Variants in KIF27 observed in about 807,000 individuals in gnomAD.
KIF27 encodes kinesin-like protein KIF27.
Under a neutral mutation model 141.8 loss-of-function variants are expected in KIF27, and 84 were observed. The observed-to-expected ratio is 0.59, with a 90% CI of 0.50 to 0.71. The LOEUF (loss-of-function observed/expected upper bound fraction) is 0.71. KIF27 is among the 30% of genes least tolerant of loss of function. KIF27 has a pLI of 0.00. For missense variants in KIF27, 1,306 were observed against 1,628.4 expected, an observed-to-expected ratio of 0.80 and a Z score of 3.41; for synonymous variants, 471 against 569.5, an observed-to-expected ratio of 0.83 and a Z score of 2.46.
Position 83,848,146 on chromosome 9 carries a change from CTGATATATCATATA to C in KIF27, c.3556+1939_3556+1952del, listed in dbSNP as rs1382848877. Among the ~76,000 whole-genome samples the C allele has an allele frequency of 2.6e-3, 118 of 44,738 alleles. 28 individuals carry two copies. Among genetic ancestry groups the C allele is most frequent in the East Asian group, 0.023 (52 of 2,276 alleles). 29.3% of individuals were successfully genotyped at this position (44,738 alleles called of 152,430 possible). On this transcript the variant is annotated intron_variant, in intron 16 of 17. Coordinates refer to ENST00000297814, the MANE Select transcript of KIF27 (RefSeq NM_017576.4). ...ATCTGATATCTCATATATGATATAT[CTGATATATCATATA>C]TGATATATCTGATATATCATATATG...
chr9:83,899,822 C>A lies in KIF27; in HGVS notation c.1459-18G>T, dbSNP rs1382769889. On this transcript the variant is annotated intron_variant, in intron 4 of 17. Coordinates refer to ENST00000297814, the MANE Select transcript of KIF27 (RefSeq NM_017576.4). Reference sequence around the variant, plus strand: ...AGCACACACTAGTGGGGAAAGAAAGCACAAGTGACATTCACCACAGAAAAT... The same window carrying A: ...AGCACACACTAGTGGGGAAAGAAAGAACAAGTGACATTCACCACAGAAAAT... 1.9e-6 allele frequency: 3 copies of A among 1,588,248 alleles called. No homozygotes were observed. The highest frequency in any genetic ancestry group is 2.6e-6 in the Non-Finnish European group (3 of 1,164,950).
At position 83,906,235 on chromosome 9, in the gene KIF27, T is replaced by C. The variant is rs190737802; in HGVS notation, c.499+2217A>G. On this transcript the variant is annotated intron_variant, in intron 3 of 17. Transcript: ENST00000297814. ...CCATAAGCTACCATATATAGTTTCTTCTTAAAAAACAAAAACAAATACAAT... is the reference window on the plus strand; with the variant it reads ...CCATAAGCTACCATATATAGTTTCTCCTTAAAAAACAAAAACAAATACAAT... 2.6e-4 allele frequency among the ~76,000 whole-genome samples: 39 copies of C among 152,288 alleles called. No individual in the cohort carries two copies. In the East Asian group the frequency reaches 6.9e-3, roughly 27 times the overall value.
intron 10 of KIF27, among the ~76,000 whole-genome samples, chr9:83,883,173 G>T (rs895849869): frequency 2.4e-4 from 36 of 152,108 alleles, no homozygotes; most frequent in African/African-American, 8.4e-4. Flanking sequence ...GAAAGCAGTA[G>T]ACCATGAGAG....
chr9:83,850,249 C>T lies in KIF27; in HGVS notation c.3406G>A (p.Glu1136Lys), dbSNP rs1243092484. 6.2e-6 allele frequency: 10 copies of T among 1,613,766 alleles called. No individual in the cohort carries two copies. The highest frequency in any genetic ancestry group is 5.1e-6 in the Non-Finnish European group (6 of 1,179,804). ...CGTTCCAGAACTTTCATTTTCATTT[C>T]TTCATTATATAACTGTTGTTTCCGT... ...AERKQQLYNEEMKMKVLERDN... is the reference protein window; with the variant it reads ...AERKQQLYNEKMKMKVLERDN... The change falls in exon 16 of 18, where the codon GAA becomes AAA. Residue 1136 changes from glutamate (E) to lysine (K), a missense_variant. This residue lies in a region of KIF27 where 596 missense variants were observed against 751.6 expected (regional missense o/e 0.79). Transcript: ENST00000297814.
rs755585990 is a variant in KIF27, at chr9:83,859,182, T to C, written c.3124A>G (p.Lys1042Glu). The C allele has an allele frequency of 6.2e-7, 1 of 1,613,642 alleles. No individual in the cohort carries two copies. Among genetic ancestry groups the C allele is most frequent in the Non-Finnish European group, 8.5e-7 (1 of 1,179,514 alleles). Residue 1042 changes from lysine (K) to glutamate (E), a missense_variant, in exon 14 of 18, where the codon AAA becomes GAA. By Grantham distance (56) the Lys-to-Glu change is moderately conservative. Transcript: ENST00000297814. ...TCAGGTGATAACACTCTACCATTTT[T>C]AAGTTTTTCATCCACATTGTGTCTG... The part of the protein sequence containing the change: ...KRRHNVDEKL[K>E]NGRVLSPEEE...
intron 17 of KIF27, among the ~76,000 whole-genome samples, chr9:83,839,674 C>T (rs116939161): frequency 0.12 from 17,783 of 152,126 alleles, 1,365 homozygotes; most frequent in East Asian, 0.19. Flanking sequence ...ACTGAACCAC[C>T]GGGCACGGTG....
intron 15 of KIF27, among the ~76,000 whole-genome samples, chr9:83,851,569 T>C (rs1948592741): frequency 6.6e-6 from 1 of 152,184 alleles, no homozygotes; most frequent in African/African-American, 2.4e-5. Flanking sequence ...TTGCCCAAGC[T>C]GGTCTTGAAT....
At chr9:83,886,396 T>C (rs189268620) in intron 9 of KIF27, among the ~76,000 whole-genome samples, 2 of 152,108 alleles carry the variant, frequency 1.3e-5, no homozygotes, top group Non-Finnish European at 2.9e-5. Flanking sequence ...GGAGCTTTCC[T>C]AAAAATCCTC....
intron 13 of KIF27, among the ~76,000 whole-genome samples, chr9:83,861,330 T>G (rs1411745586): frequency 1.4e-5 from 2 of 139,800 alleles, no homozygotes; most frequent in Non-Finnish European, 1.6e-5. Flanking sequence ...CCCTCCCCCC[T>G]TCCCCCACCC....
intron 17 of KIF27, among the ~76,000 whole-genome samples, chr9:83,840,506 C>T (rs1407329706): frequency 6.6e-6 from 1 of 151,932 alleles, no homozygotes; most frequent in African/African-American, 2.4e-5. Context: ...CTGTATACCA[C>T]CATACTACAT....
intron 5 of KIF27, chr9:83,899,015 GAAAAC>G (rs1953568129): frequency 6.6e-6 from 1 of 151,926 alleles, no homozygotes. Context: ...GGTTAAAAAA[GAAAAC>G]AAAAATCAAA....
intron 2 of KIF27, among the ~76,000 whole-genome samples, chr9:83,913,302 C>A (rs1198980584): frequency 1.3e-5 from 2 of 152,194 alleles, no homozygotes; most frequent in African/African-American, 4.8e-5. Context: ...ACTGCAGATG[C>A]TCAATAAATA....
intron 4 of KIF27, 134 bp downstream of exon 4, chr9:83,902,926 C>T: frequency 3.8e-6 from 2 of 533,044 alleles, no homozygotes; most frequent in Non-Finnish European, 6.3e-6. Flanking sequence ...ATTTACTTGC[C>T]CAAATAAATT....
chr9:83,904,281 T>C (rs1954258430), intron 3 of KIF27, among the ~76,000 whole-genome samples: 2 of 152,234 alleles, frequency 1.3e-5, no homozygotes, highest in African/African-American at 4.8e-5. Flanking sequence ...TAGTTTATCT[T>C]GAGTCATGAG....
intron 4 of KIF27, among the ~76,000 whole-genome samples, chr9:83,902,710 G>A (rs1954050148): frequency 6.6e-6 from 1 of 151,810 alleles, no homozygotes; most frequent in Non-Finnish European, 1.5e-5. Flanking sequence ...TGACAACCAG[G>A]TCCACAAAGT....
At chr9:83,846,194 C>G (rs570283833) in intron 16 of KIF27, among the ~76,000 whole-genome samples, 8 of 152,302 alleles carry the variant, frequency 5.3e-5, no homozygotes, top group African/African-American at 1.9e-4. Context: ...AGCGAGCTAC[C>G]TGGTGGCAGG....
intron 6 of KIF27, 62 bp downstream of exon 6, chr9:83,891,233 A>G (rs1952644472): frequency 7.4e-7 from 1 of 1,344,766 alleles, no homozygotes; most frequent in Non-Finnish European, 1.1e-6. Context: ...ATACACTGTG[A>G]TATTACACAT....
intron 9 of KIF27, among the ~76,000 whole-genome samples, chr9:83,886,519 A>G (rs1333643728): frequency 2.0e-5 from 3 of 151,926 alleles, no homozygotes; most frequent in African/African-American, 4.8e-5. Context: ...ACAGGACTAT[A>G]TTTTATCTAT....
chr9:83,874,009 A>G (rs1182494710), intron 11 of KIF27, among the ~76,000 whole-genome samples: 2 of 151,576 alleles, frequency 1.3e-5, no homozygotes, highest in African/African-American at 2.4e-5. Context: ...ACGAGATCAC[A>G]CCACTGCACT....
Sources: gnomAD v4.1 joint callset for allele counts (sites outside exome capture counted in the v4.1 genomes callset) on GRCh38, gnomAD v4.1.1 for gene constraint, gnomAD v4.1.1 regional missense constraint, MANE v1.5 for transcripts, NCBI Gene and HGNC (gene_info 2026-07-23, HGNC 2026-07-21) for gene names.